The following MRPS6 variants were observed in gnomAD, a reference collection of about 807,000 sequenced individuals.
The protein encoded by MRPS6 is mitochondrial ribosomal protein S6.
MRPS6 carries 6 observed loss-of-function variants against 13.1 expected under a neutral mutation model. The ratio of observed to expected loss-of-function variants is 0.46; its 90% CI spans 0.25 to 0.91. The LOEUF is 0.91. MRPS6 is among the 40% of genes least tolerant of loss of function. MRPS6 has a pLI of 0.18. For missense variants in MRPS6, 164 were observed against 155.6 expected (o/e 1.05, Z -0.29); for synonymous variants, 61 against 56.5 (o/e 1.08, Z -0.36).
At chr21:34,107,494 T>C (rs934582222) in intron 1 of MRPS6, among the ~76,000 whole-genome samples, 5 of 152,198 alleles carry the variant, frequency 3.3e-5, no homozygotes, top group Non-Finnish European at 1.5e-5. Flanking sequence ...TTTGGTAATA[T>C]GTAATTAGTG....
At position 34,136,024 on chromosome 21, in the gene MRPS6, G is replaced by C. The variant is rs369342641; in HGVS notation, c.186-6384G>C. The C allele has an allele frequency of 3.2e-5, 9 of 277,068 alleles. No individual in the cohort carries two copies. In the East Asian group the frequency reaches 6.2e-4, roughly 19 times the overall value. 17.2% of individuals were successfully genotyped at this position (277,068 alleles called of 1,614,324 possible). A position where few individuals can be genotyped will look rare whatever the true frequency, so the allele number is the denominator to read the frequency against. ...ACAGCGTCCACTTCCCAAAGAGCTT[G>C]GTGTCAGGGGTCTCTACCACTGCTG... On this transcript the variant is annotated intron_variant, in intron 2 of 2. Coordinates refer to ENST00000399312, the MANE Select transcript of MRPS6 (RefSeq NM_032476.4).
chr21:34,077,603 T>C (rs1183658749), intron 1 of MRPS6, among the ~76,000 whole-genome samples: 1 of 152,192 alleles, frequency 6.6e-6, no homozygotes, highest in Non-Finnish European at 1.5e-5. Context: ...GTTTTTCTAA[T>C]AGGAATAAAG....
At chr21:34,135,537 A>G in intron 2 of MRPS6, 1 of 500,188 alleles carries the variant, frequency 2.0e-6, no homozygotes, top group South Asian at 1.5e-5. Flanking sequence ...CCAGGCACTC[A>G]GCAATGGTCA....
chr21:34,075,671 TGAG>T lies in MRPS6; in HGVS notation c.45+1930_45+1932del, dbSNP rs929471487. Among the ~76,000 whole-genome samples the T allele has an allele frequency of 2.4e-4, 36 of 152,346 alleles. 2 individuals carry two copies. The highest frequency in any genetic ancestry group is 1.9e-3 in the Admixed American group (29 of 15,306). On this transcript the variant is annotated intron_variant, in intron 1 of 2. Transcript: ENST00000399312. The stretch of plus-strand genomic sequence containing the variant: ...CTTATGTACAATGGCGAAGTTATGT[TGAG>T]GAGATCCTTGACCTAAATAAAGTAA...
At chr21:34,097,398 TGGTCTTTGGG>T in intron 1 of MRPS6, 2 of 1,386,124 alleles carry the variant, frequency 1.4e-6, no homozygotes, top group Admixed American at 3.2e-5. Flanking sequence ...CAATACTGAC[TGGTCTTTGGG>T]GAAAAAAGTT....
chr21:34,139,864 C>G (rs1163312357), intron 2 of MRPS6, among the ~76,000 whole-genome samples: 3 of 152,088 alleles, frequency 2.0e-5, no homozygotes. Context: ...AGGTGTGAGC[C>G]CCAGCGCCTG....
intron 1 of MRPS6, among the ~76,000 whole-genome samples, chr21:34,121,350 C>T (rs1440006870): frequency 2.0e-5 from 3 of 152,080 alleles, no homozygotes; most frequent in African/African-American, 4.8e-5. Context: ...ACTAATTTAG[C>T]AGATGAGGAA....
chr21:34,104,995 A>G (rs997166827), intron 1 of MRPS6: 10 of 999,926 alleles, frequency 1.0e-5, no homozygotes, highest in Non-Finnish European at 1.2e-5. Context: ...GAGTTTTCTA[A>G]TTTCACTGTG....
chr21:34,126,533 T>C (rs1408199754), intron 2 of MRPS6, among the ~76,000 whole-genome samples: 1 of 152,228 alleles, frequency 6.6e-6, no homozygotes, highest in African/African-American at 2.4e-5. Context: ...CAACAGGAAA[T>C]GCACAGTGGC....
chr21:34,097,752 C>G, intron 1 of MRPS6: 1 of 1,003,770 alleles, frequency 1.0e-6, no homozygotes, highest in Non-Finnish European at 1.2e-6. Context: ...ATTTTTTTTT[C>G]TGTCTCTGTA....
chr21:34,077,558 A>C (rs1305105833), intron 1 of MRPS6, among the ~76,000 whole-genome samples: 1 of 152,206 alleles, frequency 6.6e-6, no homozygotes, highest in Non-Finnish European at 1.5e-5. Flanking sequence ...TTGCATGTAC[A>C]ATAAGATAGC....
Position 34,135,380 on chromosome 21 carries a change from C to T in MRPS6, c.186-7028C>T, listed in dbSNP as rs189284804. ...TTTTTTTTTTTTTTTTTTGTGGTGG[C>T]GTGGGGTTACCCCAAAGGGCAGACT... On this transcript the variant is annotated intron_variant, in intron 2 of 2. Transcript: ENST00000399312. The T allele has an allele frequency of 4.0e-3, 383 of 95,318 alleles. 1 individual carries two copies. Among genetic ancestry groups the T allele is most frequent in the Admixed American group, 6.1e-3 (38 of 6,190 alleles). 5.9% of individuals were successfully genotyped at this position (95,318 alleles called of 1,614,324 possible). A position where few individuals can be genotyped will look rare whatever the true frequency, so the allele number is the denominator to read the frequency against.
At position 34,097,198 on chromosome 21, in the gene MRPS6, A is replaced by G. The variant is rs763637483; in HGVS notation, c.45+23453A>G. ...GACTGGTTTTGTGGCTTTAAAAGTA[A>G]GAGCCTCAGCAAGAGGAGTCTCAGA... On this transcript the variant is annotated intron_variant, in intron 1 of 2. Transcript: ENST00000399312. 10 of 1,614,144 alleles carry G rather than the reference A, an allele frequency of 6.2e-6. No homozygotes were observed. In the South Asian group the frequency reaches 8.8e-5, roughly 14 times the overall value.
intron 1 of MRPS6, among the ~76,000 whole-genome samples, chr21:34,118,791 A>T (rs910685051): frequency 6.6e-6 from 1 of 152,176 alleles, no homozygotes; most frequent in Non-Finnish European, 1.5e-5. Context: ...CTGGGATTAC[A>T]GGAAAGAACC....
At chr21:34,090,030 A>G (rs747645302) in intron 1 of MRPS6, among the ~76,000 whole-genome samples, 31 of 152,166 alleles carry the variant, frequency 2.0e-4, no homozygotes, top group Non-Finnish European at 4.3e-4. Flanking sequence ...CCCAAACCCA[A>G]AATGCTCCAG....
chr21:34,135,536 C>A, intron 2 of MRPS6: 1 of 499,478 alleles, frequency 2.0e-6, no homozygotes, highest in Non-Finnish European at 4.0e-6. Context: ...GCCAGGCACT[C>A]AGCAATGGTC....
chr21:34,106,200 G>A (rs550077326), intron 1 of MRPS6: 2 of 976,548 alleles, frequency 2.0e-6, no homozygotes, highest in South Asian at 9.6e-5. Context: ...CTGAAGTATA[G>A]TAATTATTTT....
At chr21:34,127,234 G>T (rs1358801176) in intron 2 of MRPS6, among the ~76,000 whole-genome samples, 1 of 152,226 alleles carries the variant, frequency 6.6e-6, no homozygotes, top group Non-Finnish European at 1.5e-5. Flanking sequence ...CAGAAAGGTA[G>T]TGCCCAGCTG....
intron 1 of MRPS6, among the ~76,000 whole-genome samples, chr21:34,088,944 G>A (rs886963159): frequency 6.6e-6 from 1 of 151,730 alleles, no homozygotes; most frequent in African/African-American, 2.4e-5. Flanking sequence ...CAAGCAGATA[G>A]TGTTGAGCCT....
Sources: allele counts gnomAD v4.1 joint callset (sites outside exome capture counted in the v4.1 genomes callset), GRCh38; gene constraint gnomAD v4.1.1; transcripts MANE v1.5; gene names NCBI Gene and HGNC (gene_info 2026-07-23, HGNC 2026-07-21).